NUP98: variants seen among roughly 807,000 people sequenced by gnomAD.
The protein encoded by NUP98 is nucleoporin 98 and 96 precursor, also known as nuclear pore complex protein Nup98-Nup96.
Under a neutral mutation model 191.9 loss-of-function variants are expected in NUP98, and 26 were observed. The observed-to-expected ratio is 0.14, with a 90% CI of 0.10 to 0.19. The LOEUF is 0.19. NUP98 is among the 10% of genes least tolerant of loss of function. The pLI, the probability that NUP98 is intolerant of heterozygous loss-of-function variation, is 1.00. For missense variants in NUP98, 1,941 were observed against 2,178.8 expected, an observed-to-expected ratio of 0.89 and a Z score of 2.17; for synonymous variants, 808 against 778.4, an observed-to-expected ratio of 1.04 and a Z score of -0.63.
chr11:3,712,333 A>G (rs1230251083), intron 20 of NUP98: 22 of 1,322,674 alleles, frequency 1.7e-5, no homozygotes, highest in South Asian at 2.3e-5. Flanking sequence ...AAAAATGACA[A>G]TCTGTAGAGG....
chr11:3,729,648 G>A lies in NUP98; in HGVS notation c.1730+1743C>T, dbSNP rs1460558455. On this transcript the variant is annotated intron_variant, in intron 14 of 32. Coordinates refer to ENST00000324932, the MANE Select transcript of NUP98 (RefSeq NM_016320.5). ...GGAGGATCACCTGAGCCCAGGGGTC[G>A]AAGGTGCAGTGATGTATGATTGCAC... Among the ~76,000 whole-genome samples the A allele has an allele frequency of 6.5e-5, 9 of 138,740 alleles. No individual in the cohort carries two copies. In the East Asian group the frequency reaches 1.5e-3, roughly 23 times the overall value. The allele number at this position is 138,740 out of a possible 152,430, so 91.0% of individuals were successfully genotyped here. A position where few individuals can be genotyped will look rare whatever the true frequency, so the allele number is the denominator to read the frequency against.
At chr11:3,762,413 C>T (rs1240057961) in intron 9 of NUP98, among the ~76,000 whole-genome samples, 1 of 152,036 alleles carries the variant, frequency 6.6e-6, no homozygotes, top group Non-Finnish European at 1.5e-5. Context: ...TGAGCCACCG[C>T]GCCTGGCTCT....
At chr11:3,766,410 C>T (rs1269837049) in intron 8 of NUP98, among the ~76,000 whole-genome samples, 3 of 151,670 alleles carry the variant, frequency 2.0e-5, no homozygotes, top group South Asian at 2.1e-4. Context: ...AACATGAAGG[C>T]CAGGCGCAGT....
In NUP98 at chr11:3,676,187, A is replaced by T. The variant is rs1158549248; in HGVS notation, c.5375T>A (p.Leu1792Gln). 1 of 1,614,126 alleles carries T rather than the reference A, an allele frequency of 6.2e-7. No individual in the cohort carries two copies. The highest frequency in any genetic ancestry group is 8.5e-7 in the Non-Finnish European group (1 of 1,180,028). The part of the protein sequence containing the change: ...DELRSLTQSY[L>Q]RELAVGSL ...CAGGCTCCCAACAGCCAGTTCTCGC[A>T]GATAGGACTGGGTAAGGCTGCGCAG... Residue 1792 changes from leucine (L) to glutamine (Q), a missense_variant, in exon 33 of 33, where the codon CTG becomes CAG. Transcript: ENST00000324932.
intron 15 of NUP98, among the ~76,000 whole-genome samples, chr11:3,723,735 AT>A (rs1339736204): frequency 6.6e-6 from 1 of 151,642 alleles, no homozygotes; most frequent in Non-Finnish European, 1.5e-5. Context: ...ATGTTAAAAA[AT>A]GCTTTATAAA....
intron 10 of NUP98, among the ~76,000 whole-genome samples, chr11:3,754,044 G>C (rs1159070565): frequency 6.6e-6 from 1 of 152,124 alleles, no homozygotes; most frequent in Non-Finnish European, 1.5e-5. Context: ...TGAGCTTTGG[G>C]AACATTGCCT....
At position 3,683,305 on chromosome 11, in the gene NUP98, C is replaced by T; in HGVS notation, c.4813G>A (p.Val1605Met). Residue 1605 changes from valine (V) to methionine (M), a missense_variant, in exon 30 of 33, where the codon GTG (valine) becomes ATG (methionine). Physicochemically the swap from Val to Met is conservative, Grantham distance 21. Coordinates refer to ENST00000324932, the MANE Select transcript of NUP98 (RefSeq NM_016320.5). Reference protein sequence around the residue: ...PAKWIHEAKAVRAHMESDKHL... With the variant: ...PAKWIHEAKAMRAHMESDKHL... ...TTGTCAGATTCCATGTGTGCTCGCACAGCTTTGGCCTCGTGGATCCATTTG... is the reference window on the plus strand; with the variant it reads ...TTGTCAGATTCCATGTGTGCTCGCATAGCTTTGGCCTCGTGGATCCATTTG... 1 of 1,614,178 alleles carries T rather than the reference C, an allele frequency of 6.2e-7. No homozygotes were observed. Among genetic ancestry groups the T allele is most frequent in the Non-Finnish European group, 8.5e-7 (1 of 1,180,034 alleles).
chr11:3,728,006 G>GTAA (rs1343802069), intron 14 of NUP98, among the ~76,000 whole-genome samples: 1 of 152,142 alleles, frequency 6.6e-6, no homozygotes, highest in African/African-American at 2.4e-5. Flanking sequence ...GGGTGACAGA[G>GTAA]TAAGACCCCG....
Position 3,779,242 on chromosome 11 carries a change from G to T in NUP98, c.92C>A (p.Thr31Asn). Residue 31 changes from threonine to asparagine, a missense_variant, in exon 3 of 33, where the codon ACT becomes AAT. By Grantham distance (65) the Thr-to-Asn change is moderately conservative. This residue lies in a region of NUP98 where 154 missense variants were observed against 182.9 expected (regional missense o/e 0.84). Transcript: ENST00000324932. ...STFGQNTGFGTTSGGAFGTSA... is the reference protein window; with the variant it reads ...STFGQNTGFGNTSGGAFGTSA... ...TGTTCCAAATGCCCCTCCACTAGTA[G>T]TGCCAAAGCCAGTATCTGAAAAAGC... The T allele has an allele frequency of 6.2e-7, 1 of 1,613,940 alleles. No homozygotes were observed. The highest frequency in any genetic ancestry group is 8.5e-7 in the Non-Finnish European group (1 of 1,179,818).
intron 8 of NUP98, among the ~76,000 whole-genome samples, chr11:3,766,719 C>G (rs898780071): frequency 2.0e-5 from 3 of 149,552 alleles, no homozygotes; most frequent in Non-Finnish European, 3.0e-5. Flanking sequence ...AAGAGAGAAG[C>G]CTGAGGGTCC....
intron 12 of NUP98, among the ~76,000 whole-genome samples, chr11:3,739,302 C>T (rs2943415): frequency 0.59 from 89,857 of 151,954 alleles, 27,494 homozygotes; most frequent in African/African-American, 0.75. Flanking sequence ...CAGGCTGGAG[C>T]GCAGTAGCGC....
chr11:3,700,826 G>A lies in NUP98; in HGVS notation c.3526C>T (p.Pro1176Ser). The change falls in exon 24 of 33, where the codon CCA (proline) becomes TCA (serine). Residue 1176 changes from proline to serine, a missense_variant. Coordinates refer to ENST00000324932, the MANE Select transcript of NUP98 (RefSeq NM_016320.5). ...AGTTTTTCTAAGTGAACTTTGAATGGGGACTCAGTTAGGCTACAAGAGCAA... is the reference window on the plus strand; with the variant it reads ...AGTTTTTCTAAGTGAACTTTGAATGAGGACTCAGTTAGGCTACAAGAGCAA... ...PVAVKPLTES[P>S]FKVHLEKLSL... 6.2e-7 allele frequency: 1 copy of A among 1,612,980 alleles called. No individual in the cohort carries two copies.
intron 31 of NUP98, chr11:3,676,842 G>C (rs2077829096): frequency 3.1e-6 from 2 of 637,260 alleles, no homozygotes; most frequent in Admixed American, 2.3e-5. Flanking sequence ...CCTTGGACTA[G>C]GAAAAGTCTT....
At chr11:3,696,492 ACT>A in intron 25 of NUP98, among the ~76,000 whole-genome samples, 1 of 150,812 alleles carries the variant, frequency 6.6e-6, no homozygotes, top group East Asian at 2.0e-4. Context: ...ACAGACCAAG[ACT>A]CTGTCTTGGT....
chr11:3,718,163 T>C (rs1418105908), intron 18 of NUP98, among the ~76,000 whole-genome samples: 2 of 152,216 alleles, frequency 1.3e-5, no homozygotes, highest in Non-Finnish European at 2.9e-5. Flanking sequence ...CTTTAAACGC[T>C]TAGTAGAATT....
chr11:3,697,946 C>G (rs927860729), intron 25 of NUP98, among the ~76,000 whole-genome samples: 3 of 151,480 alleles, frequency 2.0e-5, no homozygotes, highest in African/African-American at 7.3e-5. Flanking sequence ...TTTTAAAAAG[C>G]CAGTGAGTAC....
At position 3,691,953 on chromosome 11, in the gene NUP98, T is replaced by A. The variant is rs558995816; in HGVS notation, c.4312-464A>T. Among the ~76,000 whole-genome samples, 11 of 152,154 alleles carry A rather than the reference T, an allele frequency of 7.2e-5. No individual in the cohort carries two copies. The East Asian group carries it at 2.1e-3, about 29-fold the overall frequency. ...GCCTATAATCCCAGCACTTTGAAAG[T>A]GGGAGGAGGACTGCTTGAGCCAAGT... On this transcript the variant is annotated intron_variant, in intron 27 of 32. Coordinates refer to ENST00000324932, the MANE Select transcript of NUP98 (RefSeq NM_016320.5).
At chr11:3,743,111 C>T (rs1256497590) in intron 12 of NUP98, among the ~76,000 whole-genome samples, 3 of 151,760 alleles carry the variant, frequency 2.0e-5, no homozygotes, top group East Asian at 2.0e-4. Flanking sequence ...CTCCACCTAC[C>T]GGGTCCAAGC....
At chr11:3,770,453 G>T (rs1399094578) in intron 7 of NUP98, among the ~76,000 whole-genome samples, 1 of 152,000 alleles carries the variant, frequency 6.6e-6, no homozygotes, top group African/African-American at 2.4e-5. Flanking sequence ...ACTCCAGCAT[G>T]AGTGACGGGA....
Sources: gnomAD v4.1 joint callset for allele counts (sites outside exome capture counted in the v4.1 genomes callset) on GRCh38, gnomAD v4.1.1 for gene constraint, gnomAD v4.1.1 regional missense constraint, MANE v1.5 for transcripts, NCBI Gene and HGNC (gene_info 2026-07-23, HGNC 2026-07-21) for gene names.